GSAP: variants seen among roughly 807,000 people sequenced by gnomAD.
The protein encoded by GSAP is gamma-secretase-activating protein.
Under a neutral mutation model 131.7 loss-of-function variants are expected in GSAP, and 118 were observed. The ratio of observed to expected loss-of-function variants is 0.90; its 90% CI spans 0.77 to 1.04. The LOEUF (loss-of-function observed/expected upper bound fraction) is 1.04, where lower values mean the gene tolerates loss of function less well. Ranked by LOEUF, GSAP falls within the 50% of genes least tolerant of loss-of-function variation. The probability of loss-of-function intolerance (pLI) is 0.00; values close to 1 mark genes in which losing one functional copy is unlikely to be tolerated. For missense variants in GSAP, 1,019 were observed against 1,013.2 expected (o/e 1.01, Z -0.08); for synonymous variants, 381 against 363.4 (o/e 1.05, Z -0.55).
At chr7:77,347,340 G>A (rs933293778) in intron 19 of GSAP, among the ~76,000 whole-genome samples, 18 of 152,160 alleles carry the variant, frequency 1.2e-4, no homozygotes, top group Non-Finnish European at 2.5e-4. Flanking sequence ...TGTTATCTGG[G>A]GGTGTGGAGG....
Position 77,362,680 on chromosome 7 carries a change from T to TA in GSAP, c.872-21dup, listed in dbSNP as rs1157266888. ...AACTTCCTAGAAGAAAAAGGATATTTAGTAGAGTTTAACAGAATCTATGTC... is the reference window on the plus strand; with the variant it reads ...AACTTCCTAGAAGAAAAAGGATATTTAAGTAGAGTTTAACAGAATCTATGTC... On this transcript the variant is annotated intron_variant, in intron 12 of 30. Transcript: ENST00000257626. 7.2e-7 allele frequency: 1 copy of TA among 1,393,770 alleles called. No homozygotes were observed. 86.3% of individuals were successfully genotyped at this position (1,393,770 alleles called of 1,614,324 possible).
chr7:77,324,085 T>C (rs1487819638), intron 23 of GSAP, among the ~76,000 whole-genome samples: 1 of 152,182 alleles, frequency 6.6e-6, no homozygotes. Context: ...AGTCTACTTC[T>C]CCTAGAGTCC....
chr7:77,354,312 G>T (rs116287112), intron 16 of GSAP, among the ~76,000 whole-genome samples: 2 of 152,000 alleles, frequency 1.3e-5, no homozygotes, highest in African/African-American at 4.8e-5. Context: ...TATTACTATC[G>T]ACAAGTAAAA....
chr7:77,327,801 C>G (rs1788534324), intron 22 of GSAP, among the ~76,000 whole-genome samples: 1 of 152,112 alleles, frequency 6.6e-6, no homozygotes, highest in Non-Finnish European at 1.5e-5. Flanking sequence ...TCTGGGGAGC[C>G]TCTTCCAACC....
chr7:77,405,218 T>G (rs1225553594), intron 2 of GSAP, among the ~76,000 whole-genome samples: 1 of 152,218 alleles, frequency 6.6e-6, no homozygotes, highest in South Asian at 2.1e-4. Flanking sequence ...GGAACCTACT[T>G]GAGCCCATGA....
chr7:77,404,377 C>A (rs922212250), intron 3 of GSAP, among the ~76,000 whole-genome samples, 182 bp downstream of exon 3: 2 of 152,156 alleles, frequency 1.3e-5, no homozygotes, highest in African/African-American at 4.8e-5. Context: ...TTTCTTAGTT[C>A]TTTGGACATA....
At chr7:77,411,946 A>G (rs1404782983) in intron 1 of GSAP, among the ~76,000 whole-genome samples, 1 of 152,222 alleles carries the variant, frequency 6.6e-6, no homozygotes, top group African/African-American at 2.4e-5. Flanking sequence ...TGGGAGGCCG[A>G]GGTAGGCCGA....
chr7:77,386,787 G>A (rs868307743), intron 6 of GSAP, among the ~76,000 whole-genome samples: 1 of 152,298 alleles, frequency 6.6e-6, no homozygotes, highest in South Asian at 2.1e-4. Flanking sequence ...GGGCATCACC[G>A]TGTTCAACCT....
rs370737750 is a variant in GSAP, at chr7:77,317,856, A to G, written c.2089+2869T>C. 7.2e-5 allele frequency among the ~76,000 whole-genome samples: 11 copies of G among 152,338 alleles called. No homozygotes were observed. The East Asian group carries it at 9.6e-4, about 13-fold the overall frequency. On this transcript the variant is annotated intron_variant, in intron 26 of 30. Coordinates refer to ENST00000257626, the MANE Select transcript of GSAP (RefSeq NM_017439.4). ...AAGGTAGTTTTCCTGTAATCCTTCA[A>G]TCTTTCTAGGGTGTACCTCATAACT...
intron 19 of GSAP, among the ~76,000 whole-genome samples, chr7:77,338,689 A>C (rs1790422226): frequency 6.6e-6 from 1 of 152,146 alleles, no homozygotes; most frequent in South Asian, 2.1e-4. Context: ...CACTAATTGC[A>C]ATCACCAGGG....
intron 19 of GSAP, among the ~76,000 whole-genome samples, chr7:77,347,940 C>T (rs1273768114): frequency 6.6e-6 from 1 of 151,104 alleles, no homozygotes; most frequent in East Asian, 1.9e-4. Context: ...TGACTTGAGG[C>T]CAGTAGATTG....
intron 5 of GSAP, among the ~76,000 whole-genome samples, chr7:77,390,736 T>C (rs1420150029): frequency 1.3e-5 from 2 of 151,362 alleles, no homozygotes; most frequent in Non-Finnish European, 2.9e-5. Flanking sequence ...ACATGTACCC[T>C]AAAACTTGAA....
chr7:77,352,023 C>T (rs1792942144), intron 18 of GSAP, among the ~76,000 whole-genome samples: 1 of 152,072 alleles, frequency 6.6e-6, no homozygotes, highest in South Asian at 2.1e-4. Context: ...TAAGGTGGGG[C>T]ATAAAAGTCT....
chr7:77,404,360 C>T (rs543338108), intron 3 of GSAP, among the ~76,000 whole-genome samples, 199 bp downstream of exon 3: 1 of 152,286 alleles, frequency 6.6e-6, no homozygotes, highest in Non-Finnish European at 1.5e-5. Context: ...TGATAAAACC[C>T]CCAACCTTTC....
intron 5 of GSAP, among the ~76,000 whole-genome samples, chr7:77,394,550 T>C (rs972861675): frequency 6.6e-6 from 1 of 152,144 alleles, no homozygotes; most frequent in African/African-American, 2.4e-5. Flanking sequence ...TAAGAACTTA[T>C]CTCAGGGAGC....
chr7:77,346,270 C>CAAAAAAAAAAAA (rs1223497863), intron 19 of GSAP, among the ~76,000 whole-genome samples: 7 of 40,888 alleles, frequency 1.7e-4, no homozygotes, highest in African/African-American at 4.0e-4. Context: ...GACTCCATCT[C>CAAAAAAAAAAAA]AAAAAAAAAA....
intron 26 of GSAP, among the ~76,000 whole-genome samples, chr7:77,317,075 C>A (rs886990241): frequency 2.6e-5 from 4 of 152,094 alleles, no homozygotes; most frequent in African/African-American, 7.2e-5. Context: ...TGAATTCATA[C>A]AAGCATGCAC....
At chr7:77,315,983 T>C (rs1794927977) in intron 26 of GSAP, 1 of 152,186 alleles carries the variant, frequency 6.6e-6, no homozygotes, top group Non-Finnish European at 1.5e-5. Flanking sequence ...ACCAGTTCTG[T>C]GCTTATGAGT....
At chr7:77,349,982 G>A (rs981950646) in intron 18 of GSAP, among the ~76,000 whole-genome samples, 1 of 152,014 alleles carries the variant, frequency 6.6e-6, no homozygotes, top group African/African-American at 2.4e-5. Context: ...TATGTTTATT[G>A]CGGCATTATT....
Sources: allele counts gnomAD v4.1 joint callset (sites outside exome capture counted in the v4.1 genomes callset), GRCh38; gene constraint gnomAD v4.1.1; transcripts MANE v1.5; gene names NCBI Gene and HGNC (gene_info 2026-07-23, HGNC 2026-07-21).